Variants in ATP8B1 observed in about 807,000 individuals in gnomAD.
The protein encoded by ATP8B1 is ATPase phospholipid transporting 8B1, also known as phospholipid-transporting ATPase IC.
In ATP8B1, 80 loss-of-function variants were observed where a neutral mutation model predicts 149.9. The ratio of observed to expected loss-of-function variants is 0.53; its 90% CI spans 0.45 to 0.64. ATP8B1 has a LOEUF of 0.64. Among genes scored for constraint, ATP8B1 ranks in the 30% least tolerant of loss-of-function variants. ATP8B1 has a pLI of 0.00. For synonymous variants in ATP8B1, 536 were observed against 562.8 expected, an observed-to-expected ratio of 0.95 and a Z score of 0.67; for missense variants, 1,247 against 1,552.6, an observed-to-expected ratio of 0.80 and a Z score of 3.31.
At chr18:57,651,386 G>A (rs959169798) in intron 26 of ATP8B1, among the ~76,000 whole-genome samples, 1 of 152,160 alleles carries the variant, frequency 6.6e-6, no homozygotes, top group Non-Finnish European at 1.5e-5. Flanking sequence ...GATTACAGGC[G>A]TGAGCTACCA....
chr18:57,713,030 C>T (rs1201175486), intron 2 of ATP8B1, among the ~76,000 whole-genome samples: 1 of 151,974 alleles, frequency 6.6e-6, no homozygotes, highest in Non-Finnish European at 1.5e-5. Flanking sequence ...TTAATTGAGG[C>T]TAAGATATTC....
chr18:57,667,205 CTG>C, intron 19 of ATP8B1, 38 bp from the exon 20 acceptor site: 1 of 1,436,908 alleles, frequency 7.0e-7, no homozygotes, highest in Non-Finnish European at 9.8e-7. Flanking sequence ...GTCATTCCTG[CTG>C]TTTTTATTTT....
At position 57,648,642 on chromosome 18, in the gene ATP8B1, C is replaced by G. The variant is rs762431713; in HGVS notation, c.3602G>C (p.Gly1201Ala). The G allele has an allele frequency of 6.3e-7, 1 of 1,595,692 alleles. No individual in the cohort carries two copies. Among genetic ancestry groups the G allele is most frequent in the African/African-American group, 1.3e-5 (1 of 74,626 alleles). ...GTAGGCCGAGCGCCGCGTTGACACGCCCCGGCGGAACACCTGCTGCCGTCG... is the reference window on the plus strand; with the variant it reads ...GTAGGCCGAGCGCCGCGTTGACACGGCCCGGCGGAACACCTGCTGCCGTCG... The part of the protein sequence containing the change: ...WQRRQQVFRR[G>A]VSTRRSAYAF... The change falls in exon 28 of 28, where the codon GGC becomes GCC. Residue 1201 changes from glycine (G) to alanine (A), a missense_variant. By Grantham distance (60) the Gly-to-Ala change is moderately conservative. This residue lies in a region of ATP8B1 where 164 missense variants were observed against 160.3 expected (regional missense o/e 1.02). Coordinates refer to ENST00000648908, the MANE Select transcript of ATP8B1 (RefSeq NM_001374385.1).
intron 15 of ATP8B1, among the ~76,000 whole-genome samples, chr18:57,679,853 TG>T (rs1232537601): frequency 2.0e-5 from 3 of 151,930 alleles, no homozygotes; most frequent in Non-Finnish European, 4.4e-5. Flanking sequence ...TTAGTAGAGG[TG>T]GGGTTTCACA....
At chr18:57,705,861 A>T (rs1206918437) in intron 3 of ATP8B1, among the ~76,000 whole-genome samples, 1 of 151,794 alleles carries the variant, frequency 6.6e-6, no homozygotes, top group African/African-American at 2.4e-5. Flanking sequence ...CTTAATATTT[A>T]TTATTATTAT....
At chr18:57,726,428 A>G (rs1444564624) in intron 2 of ATP8B1, among the ~76,000 whole-genome samples, 1 of 152,222 alleles carries the variant, frequency 6.6e-6, no homozygotes, top group Non-Finnish European at 1.5e-5. Context: ...GGGAGAAAAT[A>G]TTCAGGCCAC....
Position 57,653,682 on chromosome 18 carries a change from C to CTT in ATP8B1, c.3015+308_3015+309dup, listed in dbSNP as rs71171057. The stretch of plus-strand genomic sequence containing the variant: ...CCCAGTCACAGAAATCCTCTTTTCT[C>CTT]TTTTTTTTTTTTTTTTTTTTTGTCT... On this transcript the variant is annotated intron_variant, in intron 24 of 27. Transcript: ENST00000648908. Among the ~76,000 whole-genome samples, 452 of 117,750 alleles carry CTT rather than the reference C, an allele frequency of 3.8e-3. 2 individuals carry two copies. The highest frequency in any genetic ancestry group is 4.6e-3 in the Non-Finnish European group (271 of 59,496). 77.2% of individuals were successfully genotyped at this position (117,750 alleles called of 152,430 possible). A position where few individuals can be genotyped will look rare whatever the true frequency, so the allele number is the denominator to read the frequency against.
chr18:57,801,086 C>T (rs2080568674), intron 1 of ATP8B1, among the ~76,000 whole-genome samples: 1 of 152,166 alleles, frequency 6.6e-6, no homozygotes, highest in African/African-American at 2.4e-5. Flanking sequence ...AGTTCTATCA[C>T]TAGGATGTAA....
At chr18:57,754,281 T>C (rs894653281) in intron 1 of ATP8B1, among the ~76,000 whole-genome samples, 2 of 151,732 alleles carry the variant, frequency 1.3e-5, no homozygotes, top group African/African-American at 4.8e-5. Context: ...CTACTAAAAA[T>C]ACAAAACTTA....
In ATP8B1 at chr18:57,649,361, G is replaced by T. The variant is rs1483690842; in HGVS notation, c.3532-649C>A. On this transcript the variant is annotated intron_variant, in intron 27 of 27. Coordinates refer to ENST00000648908, the MANE Select transcript of ATP8B1 (RefSeq NM_001374385.1). ...AGGGAAGGTTATTTAACTTTTCCAA[G>T]GTCACACAGCTAGAAAATGCAAAGC... Among the ~76,000 whole-genome samples, 5 of 152,064 alleles carry T rather than the reference G, an allele frequency of 3.3e-5. No homozygotes were observed. The East Asian group carries it at 5.8e-4, about 18-fold the overall frequency.
intron 2 of ATP8B1, among the ~76,000 whole-genome samples, chr18:57,730,557 G>C (rs995824499): frequency 6.6e-6 from 1 of 152,114 alleles, no homozygotes; most frequent in Non-Finnish European, 1.5e-5. Context: ...TGTTTGCCAG[G>C]GTGGGAGAAC....
intron 1 of ATP8B1, among the ~76,000 whole-genome samples, chr18:57,782,213 C>A (rs927272019): frequency 6.6e-6 from 1 of 152,056 alleles, no homozygotes; most frequent in African/African-American, 2.4e-5. Context: ...ATAGAATTTG[C>A]GAAAATAAGA....
At chr18:57,699,616 C>T (rs1248245522) in intron 6 of ATP8B1, among the ~76,000 whole-genome samples, 3 of 152,006 alleles carry the variant, frequency 2.0e-5, no homozygotes, top group East Asian at 1.9e-4. Context: ...CCCAGCTACT[C>T]GGGAAGCTGA....
chr18:57,781,415 G>A (rs1415069696), intron 1 of ATP8B1, among the ~76,000 whole-genome samples: 1 of 152,170 alleles, frequency 6.6e-6, no homozygotes, highest in Admixed American at 6.5e-5. Flanking sequence ...ACCTGTTTTT[G>A]AGCTATATGG....
rs553050447 is a variant in ATP8B1 at position 57,648,192 on chromosome 18, G to A, written c.*296C>T. On this transcript the variant is annotated 3_prime_UTR_variant, in exon 28 of 28. Coordinates refer to ENST00000648908, the MANE Select transcript of ATP8B1 (RefSeq NM_001374385.1). ...GTAGAGACAGGGTTTCACCATGTTGGCTGGGCTGGTCTCGAACTCCTGGCC... is the reference window on the plus strand; with the variant it reads ...GTAGAGACAGGGTTTCACCATGTTGACTGGGCTGGTCTCGAACTCCTGGCC... 157 of 499,472 alleles carry A rather than the reference G, an allele frequency of 3.1e-4. No homozygotes were observed. The highest frequency in any genetic ancestry group is 5.0e-4 in the Non-Finnish European group (138 of 274,648). The allele number at this position is 499,472 out of a possible 1,614,324, so 30.9% of individuals were successfully genotyped here. A position where few individuals can be genotyped will look rare whatever the true frequency, so the allele number is the denominator to read the frequency against.
chr18:57,661,187 C>T lies in ATP8B1; in HGVS notation c.2694G>A (p.Val898=). 6.2e-7 allele frequency: 1 copy of T among 1,613,822 alleles called. No individual in the cohort carries two copies. Among genetic ancestry groups the T allele is most frequent in the Admixed American group, 1.7e-5 (1 of 60,014 alleles). The change falls in exon 22 of 28, where the codon GTG becomes GTA. Residue 898 remains valine (V), a synonymous_variant. Coordinates refer to ENST00000648908, the MANE Select transcript of ATP8B1 (RefSeq NM_001374385.1). ...TLAIGDGAND[V]NMIKTAHIGV... ...TGCATGACTCACTTTTGATCATGTT[C>T]ACGTCATTGGCCCCATCTCCGATGG... is the stretch of plus-strand genomic sequence containing the variant.
chr18:57,772,189 T>A (rs2123377327), intron 1 of ATP8B1, among the ~76,000 whole-genome samples: 1 of 152,328 alleles, frequency 6.6e-6, no homozygotes. Context: ...GTTCCTCTAC[T>A]ACCCGCCCAT....
At chr18:57,757,086 G>A (rs546149587) in intron 1 of ATP8B1, among the ~76,000 whole-genome samples, 5 of 152,294 alleles carry the variant, frequency 3.3e-5, no homozygotes, top group South Asian at 4.1e-4. Flanking sequence ...TGAGCATGCC[G>A]CTGTAAGCAT....
chr18:57,790,294 T>G (rs2080450771), intron 1 of ATP8B1, among the ~76,000 whole-genome samples: 2 of 151,806 alleles, frequency 1.3e-5, no homozygotes, highest in Non-Finnish European at 1.5e-5. Flanking sequence ...TCTGGCCTCA[T>G]TCCCTGCCCC....
Sources: gnomAD v4.1 joint callset for allele counts (sites outside exome capture counted in the v4.1 genomes callset) on GRCh38, gnomAD v4.1.1 for gene constraint, gnomAD v4.1.1 regional missense constraint, MANE v1.5 for transcripts, NCBI Gene and HGNC (gene_info 2026-07-23, HGNC 2026-07-21) for gene names.